The following FREM1 variants were observed in gnomAD, a reference collection of about 807,000 sequenced individuals.
The protein encoded by FREM1 is FRAS1 related extracellular matrix 1.
Under a neutral mutation model 210.1 loss-of-function variants are expected in FREM1, and 220 were observed. The observed-to-expected ratio is 1.05, with a 90% CI of 0.94 to 1.17. The LOEUF is 1.17. Ranked by LOEUF, FREM1 falls within the 50% of genes most tolerant of loss-of-function variation. The pLI is 0.00. For missense variants in FREM1, 3,454 were observed against 2,675.5 expected, an observed-to-expected ratio of 1.29 and a Z score of -6.42; for synonymous variants, 1,189 against 980.2, an observed-to-expected ratio of 1.21 and a Z score of -3.98.
intron 1 of FREM1, among the ~76,000 whole-genome samples, chr9:14,884,565 A>G (rs1242426860): frequency 1.3e-5 from 2 of 152,214 alleles, no homozygotes; most frequent in Non-Finnish European, 2.9e-5. Flanking sequence ...AGAAGAAAAT[A>G]ATTTAGTAAC....
At chr9:14,807,898 T>C in intron 17 of FREM1, 42 bp downstream of exon 17, 1 of 1,369,104 alleles carries the variant, frequency 7.3e-7, no homozygotes, top group South Asian at 1.2e-5. Context: ...GGTATGACAC[T>C]AGGTCAGACA....
In FREM1 at chr9:14,804,365, C is replaced by T. The variant is rs1300021216; in HGVS notation, c.3471+591G>A. On this transcript the variant is annotated intron_variant, in intron 19 of 36. Coordinates refer to ENST00000380880, the MANE Select transcript of FREM1 (RefSeq NM_001379081.2). The stretch of plus-strand genomic sequence containing the variant: ...CTTTGGAAGGCCGAGGCGGGCGGAT[C>T]ACGAGGTCAGGAGATCAAGACCATC... Among the ~76,000 whole-genome samples, 3 of 152,256 alleles carry T rather than the reference C, an allele frequency of 2.0e-5. No individual in the cohort carries two copies. In the South Asian group the frequency reaches 6.2e-4, roughly 32 times the overall value.
chr9:14,841,330 G>T, intron 10 of FREM1, 117 bp downstream of exon 10: 2 of 804,670 alleles, frequency 2.5e-6, no homozygotes, highest in Non-Finnish European at 3.7e-6. Flanking sequence ...TTGTTTAATC[G>T]ATTGTTTTTC....
chr9:14,795,268 T>C (rs1231737428), intron 21 of FREM1, among the ~76,000 whole-genome samples: 1 of 152,212 alleles, frequency 6.6e-6, no homozygotes, highest in Non-Finnish European at 1.5e-5. Flanking sequence ...GATACCACTA[T>C]TGTCCTCATT....
chr9:14,776,628 G>C (rs1248017659), intron 24 of FREM1, among the ~76,000 whole-genome samples: 1 of 152,096 alleles, frequency 6.6e-6, no homozygotes, highest in African/African-American at 2.4e-5. Flanking sequence ...ATAGACTAAA[G>C]TTGTAAGTCT....
chr9:14,780,168 G>A (rs1293624059), intron 24 of FREM1, among the ~76,000 whole-genome samples: 1 of 152,090 alleles, frequency 6.6e-6, no homozygotes, highest in African/African-American at 2.4e-5. Flanking sequence ...GTTGGTGGTA[G>A]CAGCTCCTTC....
chr9:14,847,007 G>A (rs1337177753), intron 7 of FREM1, among the ~76,000 whole-genome samples: 2 of 152,196 alleles, frequency 1.3e-5, no homozygotes, highest in Non-Finnish European at 2.9e-5. Flanking sequence ...CTGCACCAGG[G>A]GACCCAGGAA....
At position 14,868,796 on chromosome 9, in the gene FREM1, T is replaced by C; in HGVS notation, c.182A>G (p.Glu61Gly). ...GGTTATTGGCTCATTCATCACAACTTCCACTTTGCAGGCATCTTTCTCTTT... is the reference window on the plus strand; with the variant it reads ...GGTTATTGGCTCATTCATCACAACTCCCACTTTGCAGGCATCTTTCTCTTT... ...IPKEKDACKV[E>G]VVMNEPITQR... The change falls in exon 2 of 37, where the codon GAA (glutamate) becomes GGA (glycine). Residue 61 changes from glutamate (E) to glycine (G), a missense_variant. By Grantham distance (98) the Glu-to-Gly change is moderately conservative. Coordinates refer to ENST00000380880, the MANE Select transcript of FREM1 (RefSeq NM_001379081.2). 1 of 1,613,144 alleles carries C rather than the reference T, an allele frequency of 6.2e-7. No homozygotes were observed. Among genetic ancestry groups the C allele is most frequent in the Non-Finnish European group, 8.5e-7 (1 of 1,179,568 alleles).
chr9:14,856,305 T>A (rs894924077), intron 5 of FREM1, among the ~76,000 whole-genome samples: 3 of 152,214 alleles, frequency 2.0e-5, no homozygotes, highest in African/African-American at 7.2e-5. Flanking sequence ...TCTTAACTAT[T>A]ATTTGGACTC....
At chr9:14,885,079 C>T (rs1488654207) in intron 1 of FREM1, among the ~76,000 whole-genome samples, 2 of 147,726 alleles carry the variant, frequency 1.4e-5, no homozygotes, top group East Asian at 2.0e-4. Flanking sequence ...TGCCCGCCAC[C>T]GCGCCCGGCT....
At chr9:14,860,780 T>TGCACATATATAC (rs1554707468) in intron 3 of FREM1, among the ~76,000 whole-genome samples, 5 of 85,784 alleles carry the variant, frequency 5.8e-5, no homozygotes, top group African/African-American at 1.8e-4. Context: ...TACACATATA[T>TGCACATATATAC]ACATATATAC....
intron 1 of FREM1, among the ~76,000 whole-genome samples, chr9:14,905,085 G>A (rs778473068): frequency 2.6e-5 from 4 of 151,364 alleles, no homozygotes; most frequent in African/African-American, 7.3e-5. Context: ...GTCATTATTC[G>A]CAGCCATTAA....
intron 10 of FREM1, among the ~76,000 whole-genome samples, chr9:14,826,246 C>G (rs1426957703): frequency 6.6e-6 from 1 of 152,070 alleles, no homozygotes; most frequent in Admixed American, 6.5e-5. Flanking sequence ...CTTCCACCAT[C>G]ACACCCAGCT....
At chr9:14,907,257 C>T (rs1048364194) in intron 1 of FREM1, among the ~76,000 whole-genome samples, 1 of 152,142 alleles carries the variant, frequency 6.6e-6, no homozygotes, top group Non-Finnish European at 1.5e-5. Flanking sequence ...TCTTGATGGC[C>T]AAGTTTTAGA....
chr9:14,779,626 G>T, intron 24 of FREM1: 1 of 229,128 alleles, frequency 4.4e-6, no homozygotes, highest in African/African-American at 2.3e-5. Flanking sequence ...GGTCACCGCA[G>T]TTGTCTTATG....
At chr9:14,859,133 A>G (rs1203548023) in intron 4 of FREM1, 50 bp downstream of exon 4, 5 of 1,442,002 alleles carry the variant, frequency 3.5e-6, no homozygotes, top group Non-Finnish European at 4.7e-6. Context: ...ATGCATGGAT[A>G]TTTTTGTCAG....
Position 14,859,341 on chromosome 9 carries a change from A to G in FREM1, c.473T>C (p.Leu158Pro), listed in dbSNP as rs757104303. ...CATCCTATCATAATCGAATCTGAGC[A>G]GATTTTTATCAATCGCTTGGGACAA... ...NGLSQAIDKN[L>P]LRFDYDRMAS... Residue 158 changes from leucine to proline, a missense_variant, in exon 4 of 37, where the codon CTG (leucine) becomes CCG (proline). Physicochemically the swap from Leu to Pro is moderately conservative, Grantham distance 98. Transcript: ENST00000380880. 1 of 1,613,930 alleles carries G rather than the reference A, an allele frequency of 6.2e-7. No individual in the cohort carries two copies. The highest frequency in any genetic ancestry group is 1.1e-5 in the South Asian group (1 of 91,074).
At chr9:14,903,286 T>C (rs1354206358) in intron 1 of FREM1, among the ~76,000 whole-genome samples, 1 of 152,168 alleles carries the variant, frequency 6.6e-6, no homozygotes, top group African/African-American at 2.4e-5. Flanking sequence ...CTGATATTCT[T>C]AAGATGAAGA....
At chr9:14,772,150 G>T (rs1425224049) in intron 25 of FREM1, among the ~76,000 whole-genome samples, 2 of 151,980 alleles carry the variant, frequency 1.3e-5, no homozygotes, top group African/African-American at 4.8e-5. Context: ...ATAAATATGT[G>T]AAGAAACAGA....
Sources: gnomAD v4.1 joint callset for allele counts (sites outside exome capture counted in the v4.1 genomes callset) on GRCh38, gnomAD v4.1.1 for gene constraint, MANE v1.5 for transcripts, NCBI Gene and HGNC (gene_info 2026-07-23, HGNC 2026-07-21) for gene names.